The following KSR2 variants were observed in gnomAD, a reference collection of about 807,000 sequenced individuals.
KSR2 encodes kinase suppressor of ras 2.
In KSR2, 25 loss-of-function variants were observed where a neutral mutation model predicts 107.8. That is an observed-to-expected ratio of 0.23 (90% CI 0.17 to 0.32). The LOEUF is 0.32. Among genes scored for constraint, KSR2 ranks in the 10% least tolerant of loss-of-function variants. KSR2 has a pLI of 1.00. For synonymous variants in KSR2, 480 were observed against 507.0 expected (o/e 0.95, Z 0.71); for missense variants, 887 against 1,268.9 (o/e 0.70, Z 4.57).
At chr12:117,615,667 C>A (rs544275919) in intron 5 of KSR2, among the ~76,000 whole-genome samples, 2 of 152,250 alleles carry the variant, frequency 1.3e-5, no homozygotes, top group South Asian at 4.2e-4. Context: ...ATGAGTGTGT[C>A]ATCCTGGAAG....
At chr12:117,721,279 C>T (rs1887194915) in intron 4 of KSR2, among the ~76,000 whole-genome samples, 1 of 152,120 alleles carries the variant, frequency 6.6e-6, no homozygotes, top group African/African-American at 2.4e-5. Context: ...AAAATGGAAA[C>T]TCCCATTTGA....
chr12:117,929,819 A>T (rs1404611850), intron 1 of KSR2, among the ~76,000 whole-genome samples: 8 of 152,216 alleles, frequency 5.3e-5, no homozygotes, highest in African/African-American at 1.9e-4. Context: ...AAATTCATAA[A>T]GACAGAAAGT....
In KSR2 at chr12:117,834,490, G is replaced by C. The variant is rs143115919; in HGVS notation, c.472+20938C>G. ...AGCTATGGTGATTTGAATGAAAAAA[G>C]AAACTGTCCTGAGTAGATTGGAGAT... On this transcript the variant is annotated intron_variant, in intron 3 of 19. Transcript: ENST00000339824. 2.9e-3 allele frequency among the ~76,000 whole-genome samples: 444 copies of C among 152,084 alleles called. 4 individuals carry two copies. The highest frequency in any genetic ancestry group is 0.01 in the African/African-American group (425 of 41,548).
rs7310910 is a variant in KSR2 at position 117,758,609 on chromosome 12, C to T, written c.986+2402G>A. 6.5e-3 allele frequency among the ~76,000 whole-genome samples: 988 copies of T among 152,284 alleles called. 8 individuals are homozygous for T. Among genetic ancestry groups the T allele is most frequent in the African/African-American group, 0.02 (840 of 41,572 alleles). Reference sequence around the variant, plus strand: ...GCTTAACGCCACCTGAGTCCTGATACACAAATTCCAAAAAACACTAAAGGT... The same window carrying T: ...GCTTAACGCCACCTGAGTCCTGATATACAAATTCCAAAAAACACTAAAGGT... On this transcript the variant is annotated intron_variant, in intron 4 of 19. Transcript: ENST00000339824.
chr12:117,805,294 T>G (rs1890973230), intron 3 of KSR2, among the ~76,000 whole-genome samples: 1 of 152,262 alleles, frequency 6.6e-6, no homozygotes, highest in Non-Finnish European at 1.5e-5. Flanking sequence ...TCAAGCCATC[T>G]TTGAACCACC....
intron 3 of KSR2, among the ~76,000 whole-genome samples, chr12:117,777,152 T>C (rs1398505526): frequency 1.4e-5 from 2 of 141,628 alleles, no homozygotes; most frequent in Non-Finnish European, 3.0e-5. Context: ...TATATATATA[T>C]ATACACACCA....
intron 4 of KSR2, among the ~76,000 whole-genome samples, chr12:117,722,373 C>A (rs1031609322): frequency 6.6e-6 from 1 of 152,084 alleles, no homozygotes; most frequent in Non-Finnish European, 1.5e-5. Context: ...ACCTACTGGG[C>A]GGCATTCCCG....
chr12:117,476,122 AT>A (rs1184233969), intron 17 of KSR2, among the ~76,000 whole-genome samples: 1 of 152,240 alleles, frequency 6.6e-6, no homozygotes, highest in African/African-American at 2.4e-5. Context: ...TTTTGGGGTA[AT>A]TTGTTATGTA....
At chr12:117,894,474 G>C (rs959887886) in intron 1 of KSR2, among the ~76,000 whole-genome samples, 3 of 152,012 alleles carry the variant, frequency 2.0e-5, no homozygotes, top group Admixed American at 1.3e-4. Flanking sequence ...TGGCCAGCCT[G>C]GGCAACACAG....
At position 117,525,088 on chromosome 12, in the gene KSR2, G is replaced by A. The variant is rs1395245602; in HGVS notation, c.1983C>T (p.Ile661=). The A allele has an allele frequency of 1.9e-6, 3 of 1,613,890 alleles. No homozygotes were observed. The highest frequency in any genetic ancestry group is 1.7e-6 in the Non-Finnish European group (2 of 1,179,904). ...QTSIFLQEWD[I]PFEQLEIGEL... is the part of the protein sequence containing the mutation. The stretch of plus-strand genomic sequence containing the variant: ...CGCCGATCTCCAGCTGCTCAAAGGG[G>A]ATGTCCCACTCCTGAAGGAAGATGC... Residue 661 remains isoleucine, a synonymous_variant, in exon 14 of 20, where the codon ATC becomes ATT. Transcript: ENST00000339824.
chr12:117,719,339 C>T (rs991232638), intron 4 of KSR2, among the ~76,000 whole-genome samples: 3 of 152,176 alleles, frequency 2.0e-5, no homozygotes, highest in Non-Finnish European at 4.4e-5. Flanking sequence ...ATATTACAAG[C>T]ATGTGCTACC....
chr12:117,765,778 G>A (rs551328752), intron 3 of KSR2, among the ~76,000 whole-genome samples: 2 of 152,276 alleles, frequency 1.3e-5, no homozygotes, highest in Non-Finnish European at 2.9e-5. Context: ...AAAGGATGAG[G>A]AGGTGACAGT....
At chr12:117,772,397 C>T (rs1334027148) in intron 3 of KSR2, among the ~76,000 whole-genome samples, 31 of 127,596 alleles carry the variant, frequency 2.4e-4, no homozygotes, top group Non-Finnish European at 4.4e-4. Context: ...ACCAAAGACG[C>T]ACAAACACAC....
chr12:117,952,346 A>T (rs1041272800), intron 1 of KSR2, among the ~76,000 whole-genome samples: 3 of 152,292 alleles, frequency 2.0e-5, no homozygotes, highest in Admixed American at 6.5e-5. Flanking sequence ...AGCTGAAAAA[A>T]TTTAATTTAA....
At chr12:117,498,762 C>A (rs758152454) in intron 14 of KSR2, among the ~76,000 whole-genome samples, 15 of 152,106 alleles carry the variant, frequency 9.9e-5, no homozygotes, top group Non-Finnish European at 2.2e-4. Context: ...TCACAAGATC[C>A]GATGGCTTTA....
At chr12:117,534,429 C>T (rs979641032) in intron 10 of KSR2, among the ~76,000 whole-genome samples, 1 of 152,156 alleles carries the variant, frequency 6.6e-6, no homozygotes, top group African/African-American at 2.4e-5. Flanking sequence ...ACCCTCCAAC[C>T]TAAATCTGTT....
chr12:117,924,673 T>C (rs1895455768), intron 1 of KSR2, among the ~76,000 whole-genome samples: 1 of 150,808 alleles, frequency 6.6e-6, no homozygotes, highest in Admixed American at 6.6e-5. Flanking sequence ...AAAAAATCTA[T>C]AGTACAAATG....
intron 4 of KSR2, among the ~76,000 whole-genome samples, chr12:117,716,272 T>C (rs1260078580): frequency 1.3e-5 from 2 of 152,220 alleles, no homozygotes; most frequent in South Asian, 2.1e-4. Context: ...TTGAACTAAA[T>C]GAATGAATTG....
At chr12:117,665,038 C>A (rs1884601085) in intron 5 of KSR2, among the ~76,000 whole-genome samples, 2 of 152,150 alleles carry the variant, frequency 1.3e-5, no homozygotes, top group African/African-American at 4.8e-5. Context: ...GGGAACTGGT[C>A]CCTGAGGTCT....
Sources: gnomAD v4.1 joint callset for allele counts (sites outside exome capture counted in the v4.1 genomes callset) on GRCh38, gnomAD v4.1.1 for gene constraint, MANE v1.5 for transcripts, NCBI Gene and HGNC (gene_info 2026-07-23, HGNC 2026-07-21) for gene names.